The following CAMK2D variants were observed in gnomAD, a reference collection of about 807,000 sequenced individuals.
The protein encoded by CAMK2D is calcium/calmodulin dependent protein kinase II delta, also known as calcium/calmodulin-dependent protein kinase type II subunit delta.
Under a neutral mutation model 84.0 loss-of-function variants are expected in CAMK2D, and 37 were observed. That is an observed-to-expected ratio of 0.44 (90% CI 0.34 to 0.58). The LOEUF (loss-of-function observed/expected upper bound fraction) is 0.58, where lower values mean the gene tolerates loss of function less well. Among genes scored for constraint, CAMK2D ranks in the 20% least tolerant of loss-of-function variants. The probability of loss-of-function intolerance (pLI) is 0.02; values close to 1 mark genes in which losing one functional copy is unlikely to be tolerated. For synonymous variants in CAMK2D, 202 were observed against 212.5 expected (o/e 0.95, Z 0.43); for missense variants, 448 against 652.5 (o/e 0.69, Z 3.41).
At chr4:113,743,921 A>G (rs1016189798) in intron 2 of CAMK2D, among the ~76,000 whole-genome samples, 2 of 151,888 alleles carry the variant, frequency 1.3e-5, no homozygotes, top group South Asian at 4.2e-4. Context: ...GCTTACTGCA[A>G]GCTCTGCCTT....
chr4:113,589,878 C>T (rs1286395982), intron 4 of CAMK2D, among the ~76,000 whole-genome samples: 1 of 152,090 alleles, frequency 6.6e-6, no homozygotes, highest in Non-Finnish European at 1.5e-5. Flanking sequence ...AAGGACCAAG[C>T]CCTTGTACTC....
At chr4:113,521,322 C>A (rs1459841190) in intron 8 of CAMK2D, among the ~76,000 whole-genome samples, 1 of 152,020 alleles carries the variant, frequency 6.6e-6, no homozygotes, top group Admixed American at 6.6e-5. Context: ...CTCAATTGCC[C>A]CATCTTTGGC....
intron 4 of CAMK2D, among the ~76,000 whole-genome samples, chr4:113,566,802 G>A (rs1017288590): frequency 4.6e-5 from 7 of 152,058 alleles, no homozygotes; most frequent in Admixed American, 1.3e-4. Flanking sequence ...AACCATTCCC[G>A]ATCACCCTCT....
Position 113,683,800 on chromosome 4 carries a change from T to C in CAMK2D, c.161-22028A>G, listed in dbSNP as rs79494297. Among the ~76,000 whole-genome samples, 1,034 of 152,296 alleles carry C rather than the reference T, an allele frequency of 6.8e-3. 12 individuals carry two copies. Among genetic ancestry groups the C allele is most frequent in the African/African-American group, 0.024 (993 of 41,562 alleles). On this transcript the variant is annotated intron_variant, in intron 2 of 20. Coordinates refer to ENST00000511664, the MANE Select transcript of CAMK2D (RefSeq NM_001321571.2). ...CTAACAAATTAATCCTGTGCTAATA[T>C]GTTAAGATTTTCTGCTGCAGGAAAT...
chr4:113,475,268 A>G (rs1196508950), intron 16 of CAMK2D, among the ~76,000 whole-genome samples: 1 of 152,226 alleles, frequency 6.6e-6, no homozygotes, highest in African/African-American at 2.4e-5. Context: ...TCAAGAAGGC[A>G]GAAAGAGCTG....
chr4:113,719,298 T>C (rs571388034), intron 2 of CAMK2D, among the ~76,000 whole-genome samples: 18 of 152,308 alleles, frequency 1.2e-4, no homozygotes, highest in African/African-American at 4.3e-4. Context: ...AATTCTCAAA[T>C]AGGCCAGTTC....
intron 7 of CAMK2D, among the ~76,000 whole-genome samples, chr4:113,532,281 T>C (rs2098463475): frequency 6.6e-6 from 1 of 152,188 alleles, no homozygotes; most frequent in East Asian, 1.9e-4. Flanking sequence ...TTAATCTTTT[T>C]TCTTTTCTAT....
At chr4:113,570,352 A>G (rs1272954441) in intron 4 of CAMK2D, among the ~76,000 whole-genome samples, 1 of 152,208 alleles carries the variant, frequency 6.6e-6, no homozygotes, top group Non-Finnish European at 1.5e-5. Flanking sequence ...AATCTTGAGC[A>G]AAGAGAACAA....
chr4:113,636,731 G>A (rs181805862), intron 3 of CAMK2D, among the ~76,000 whole-genome samples: 6 of 152,154 alleles, frequency 3.9e-5, no homozygotes, highest in East Asian at 1.9e-4. Flanking sequence ...AAACACTCAC[G>A]CTATCAAGGA....
chr4:113,761,419 C>T lies in CAMK2D; in HGVS notation c.-351G>A. 3 of 1,217,240 alleles carry T rather than the reference C, an allele frequency of 2.5e-6. No homozygotes were observed. The highest frequency in any genetic ancestry group is 1.8e-5 in the South Asian group (1 of 56,462). The allele number at this position is 1,217,240 out of a possible 1,614,324, so 75.4% of individuals were successfully genotyped here. ...GGGGGCCGGGAAATGGAAAAACAGC[C>T]AGGCACGGGACGAGTGGCAAGCAGT... On this transcript the variant is annotated 5_prime_UTR_variant, in exon 1 of 21. Coordinates refer to ENST00000511664, the MANE Select transcript of CAMK2D (RefSeq NM_001321571.2).
chr4:113,713,168 T>C (rs1045370599), intron 2 of CAMK2D, among the ~76,000 whole-genome samples: 1 of 151,894 alleles, frequency 6.6e-6, no homozygotes, highest in Non-Finnish European at 1.5e-5. Context: ...TTTCCCTCAT[T>C]TACAAACAGT....
At chr4:113,735,289 G>GAAAAAAA (rs769117708) in intron 2 of CAMK2D, among the ~76,000 whole-genome samples, 2 of 44,764 alleles carry the variant, frequency 4.5e-5, no homozygotes, top group African/African-American at 1.5e-4. Context: ...ATCTCTACAG[G>GAAAAAAA]AAAAAAAAAA....
At chr4:113,510,021 G>GTCTT (rs1015265170) in intron 12 of CAMK2D, among the ~76,000 whole-genome samples, 2 of 152,174 alleles carry the variant, frequency 1.3e-5, no homozygotes, top group African/African-American at 4.8e-5. Context: ...GTTGAATTCA[G>GTCTT]TCTTTGGACA....
At chr4:113,543,055 T>C (rs1209321866) in intron 6 of CAMK2D, among the ~76,000 whole-genome samples, 1 of 152,242 alleles carries the variant, frequency 6.6e-6, no homozygotes, top group Non-Finnish European at 1.5e-5. Flanking sequence ...GTTCATGAAA[T>C]AGTTTAGTAA....
chr4:113,646,774 C>A (rs1181924816), intron 3 of CAMK2D, among the ~76,000 whole-genome samples: 1 of 152,214 alleles, frequency 6.6e-6, no homozygotes, highest in Non-Finnish European at 1.5e-5. Flanking sequence ...TCCCCTCGTT[C>A]TCTGAGTGCA....
chr4:113,641,845 AC>A (rs2099133397), intron 3 of CAMK2D, among the ~76,000 whole-genome samples: 2 of 151,834 alleles, frequency 1.3e-5, no homozygotes, highest in Non-Finnish European at 2.9e-5. Flanking sequence ...CCGTGTCTCT[AC>A]CAAAAATACA....
At chr4:113,624,864 G>T (rs866983872) in intron 3 of CAMK2D, among the ~76,000 whole-genome samples, 5 of 152,240 alleles carry the variant, frequency 3.3e-5, no homozygotes, top group African/African-American at 9.6e-5. Context: ...TCAACAAATA[G>T]GCACCATAAG....
intron 4 of CAMK2D, among the ~76,000 whole-genome samples, chr4:113,557,361 C>T (rs2098671911): frequency 1.3e-5 from 2 of 152,184 alleles, no homozygotes; most frequent in Non-Finnish European, 2.9e-5. Flanking sequence ...TTGTATCCCA[C>T]CTATCTTCCA....
chr4:113,491,886 A>G lies in CAMK2D; in HGVS notation c.1135+8577T>C, dbSNP rs543462474. 5.3e-3 allele frequency among the ~76,000 whole-genome samples: 810 copies of G among 152,176 alleles called. 9 individuals carry two copies. The highest frequency in any genetic ancestry group is 0.018 in the African/African-American group (757 of 41,498). On this transcript the variant is annotated intron_variant, in intron 16 of 20. Transcript: ENST00000511664. ...TAGTCTTGGGAGGGTGTATGTGTCC[A>G]GGAATTTATCCATTTCTTCTAGATT...
Sources: gnomAD v4.1 joint callset for allele counts (sites outside exome capture counted in the v4.1 genomes callset) on GRCh38, gnomAD v4.1.1 for gene constraint, MANE v1.5 for transcripts, NCBI Gene and HGNC (gene_info 2026-07-23, HGNC 2026-07-21) for gene names.